Variants in RALGAPA2 observed in about 807,000 individuals in gnomAD.
RALGAPA2 encodes ral GTPase-activating protein subunit alpha-2.
Under a neutral mutation model 230.4 loss-of-function variants are expected in RALGAPA2, and 139 were observed. The observed-to-expected ratio is 0.60, with a 90% confidence interval of 0.53 to 0.69. The LOEUF is 0.69. Ranked by LOEUF, RALGAPA2 falls within the 30% of genes least tolerant of loss-of-function variation. The probability of loss-of-function intolerance (pLI) is 0.00; values close to 1 mark genes in which losing one functional copy is unlikely to be tolerated. For synonymous variants in RALGAPA2, 847 were observed against 837.8 expected, an observed-to-expected ratio of 1.01 and a Z score of -0.19; for missense variants, 2,163 against 2,276.0, an observed-to-expected ratio of 0.95 and a Z score of 1.01.
In RALGAPA2 at chr20:20,571,462, T is replaced by A; in HGVS notation, c.3152A>T (p.Asp1051Val). The A allele has an allele frequency of 5.6e-6, 9 of 1,611,118 alleles. No homozygotes were observed. The highest frequency in any genetic ancestry group is 7.6e-6 in the Non-Finnish European group (9 of 1,178,990). ...LVMHLGLTSEDQDILNTIIRH... is the reference protein window; with the variant it reads ...LVMHLGLTSEVQDILNTIIRH... ...AATAAAGGAGTCGCAGAATACCTGA[T>A]CCTCGCTGGTTAATCCCAGGTGCAT... is the stretch of plus-strand genomic sequence containing the variant. Residue 1051 changes from aspartate to valine, a missense_variant, in exon 23 of 40, where the codon GAT (aspartate) becomes GTT (valine). Asp to Val is a radical substitution (Grantham distance 152). Transcript: ENST00000202677.
intron 37 of RALGAPA2, among the ~76,000 whole-genome samples, chr20:20,418,094 T>C (rs2060202586): frequency 6.6e-6 from 1 of 152,184 alleles, no homozygotes; most frequent in African/African-American, 2.4e-5. Context: ...GTAGAACTAC[T>C]AGGCACAACG....
chr20:20,441,525 C>T (rs1352973321), intron 37 of RALGAPA2, among the ~76,000 whole-genome samples: 1 of 152,204 alleles, frequency 6.6e-6, no homozygotes, highest in African/African-American at 2.4e-5. Context: ...AGCAAGCTCC[C>T]TCCCTTCAGT....
intron 39 of RALGAPA2, among the ~76,000 whole-genome samples, chr20:20,393,842 G>A (rs1376241565): frequency 1.3e-5 from 2 of 152,126 alleles, no homozygotes; most frequent in Non-Finnish European, 2.9e-5. Flanking sequence ...TGCACCCCCC[G>A]CTTCCCCAGG....
intron 3 of RALGAPA2, among the ~76,000 whole-genome samples, chr20:20,673,226 A>T (rs1037002797): frequency 1.3e-5 from 2 of 149,488 alleles, no homozygotes; most frequent in Non-Finnish European, 3.0e-5. Flanking sequence ...AATAAAATTT[A>T]AAAAAATGAA....
intron 38 of RALGAPA2, among the ~76,000 whole-genome samples, chr20:20,409,934 T>C (rs1356024633): frequency 6.6e-6 from 1 of 152,228 alleles, no homozygotes; most frequent in Non-Finnish European, 1.5e-5. Flanking sequence ...ATGATAGACG[T>C]ATAAAAATGT....
At chr20:20,518,660 T>G (rs1170297441) in intron 31 of RALGAPA2, among the ~76,000 whole-genome samples, 2 of 152,220 alleles carry the variant, frequency 1.3e-5, no homozygotes, top group Non-Finnish European at 2.9e-5. Context: ...CAAAGAGTAT[T>G]GTACACTGAA....
chr20:20,432,122 C>T (rs192866940), intron 37 of RALGAPA2, among the ~76,000 whole-genome samples: 65 of 152,300 alleles, frequency 4.3e-4, no homozygotes, highest in African/African-American at 1.5e-3. Flanking sequence ...CACCGTTGTT[C>T]CAAGGCTGGT....
Position 20,616,077 on chromosome 20 carries a change from T to C in RALGAPA2, c.1654A>G (p.Met552Val), listed in dbSNP as rs746475391. The change falls in exon 13 of 40, where the codon ATG (methionine) becomes GTG (valine). Residue 552 changes from methionine to valine, a missense_variant. Coordinates refer to ENST00000202677, the MANE Select transcript of RALGAPA2 (RefSeq NM_020343.4). ...TTATTCATTGTAAGCTCCATTATCA[T>C]GCGCCTAAAAATAATCAAAACAGCT... ...CKAVLIIFRR[M>V]IMELTMNKKT... 4.5e-6 allele frequency: 7 copies of C among 1,549,286 alleles called. No individual in the cohort carries two copies. The highest frequency in any genetic ancestry group is 2.4e-5 in the South Asian group (2 of 82,002).
At chr20:20,461,026 A>T (rs2061289591) in intron 37 of RALGAPA2, among the ~76,000 whole-genome samples, 1 of 152,204 alleles carries the variant, frequency 6.6e-6, no homozygotes, top group African/African-American at 2.4e-5. Context: ...GGTTTATGTG[A>T]AGTGCTTTCC....
At chr20:20,481,608 C>G (rs546852349) in intron 36 of RALGAPA2, among the ~76,000 whole-genome samples, 1 of 152,318 alleles carries the variant, frequency 6.6e-6, no homozygotes, top group South Asian at 2.1e-4. Context: ...TAACTTAATA[C>G]AAAGGTCTAG....
intron 12 of RALGAPA2, among the ~76,000 whole-genome samples, chr20:20,616,596 G>A (rs1273771784): frequency 2.0e-5 from 3 of 152,114 alleles, no homozygotes; most frequent in Non-Finnish European, 4.4e-5. Flanking sequence ...GTAGAGGATA[G>A]ATGGCCAGAC....
chr20:20,682,306 G>A (rs746407308), intron 1 of RALGAPA2, among the ~76,000 whole-genome samples: 1 of 152,182 alleles, frequency 6.6e-6, no homozygotes, highest in African/African-American at 2.4e-5. Context: ...CAACCCACAT[G>A]AATATTAACC....
intron 9 of RALGAPA2, among the ~76,000 whole-genome samples, chr20:20,632,558 G>A (rs183156575): frequency 5.2e-4 from 79 of 152,284 alleles, no homozygotes; most frequent in Non-Finnish European, 8.8e-4. Context: ...AAACCAGAGA[G>A]GAAAGGTTAC....
At chr20:20,687,960 G>A (rs1441307542) in intron 1 of RALGAPA2, among the ~76,000 whole-genome samples, 1 of 152,272 alleles carries the variant, frequency 6.6e-6, no homozygotes, top group East Asian at 1.9e-4. Context: ...CCTGACACCA[G>A]CCAGTATGTT....
At chr20:20,557,212 A>G (rs1359158050) in intron 23 of RALGAPA2, among the ~76,000 whole-genome samples, 1 of 152,102 alleles carries the variant, frequency 6.6e-6, no homozygotes, top group African/African-American at 2.4e-5. Flanking sequence ...CAGTAGGCTG[A>G]GGCAGGGAAT....
At chr20:20,512,218 C>G (rs1461017587) in intron 32 of RALGAPA2, among the ~76,000 whole-genome samples, 1 of 148,468 alleles carries the variant, frequency 6.7e-6, no homozygotes, top group African/African-American at 2.5e-5. Context: ...CAACAACAAC[C>G]CCCCCTACAC....
At chr20:20,407,582 T>C (rs956558775) in intron 38 of RALGAPA2, among the ~76,000 whole-genome samples, 8 of 152,206 alleles carry the variant, frequency 5.3e-5, no homozygotes, top group Non-Finnish European at 1.2e-4. Context: ...AGTGTCTACA[T>C]CTCAGATTTG....
intron 16 of RALGAPA2, among the ~76,000 whole-genome samples, chr20:20,596,052 A>G (rs961819751): frequency 6.6e-6 from 1 of 152,114 alleles, no homozygotes; most frequent in Non-Finnish European, 1.5e-5. Context: ...AGAAAATCAC[A>G]AAAAGTGCCA....
intron 37 of RALGAPA2, among the ~76,000 whole-genome samples, chr20:20,451,688 G>A (rs2060992449): frequency 1.3e-5 from 2 of 152,156 alleles, no homozygotes; most frequent in Non-Finnish European, 2.9e-5. Flanking sequence ...AGTACTTAAG[G>A]TCTCAGATTG....
Sources: gnomAD v4.1 joint callset for allele counts (sites outside exome capture counted in the v4.1 genomes callset) on GRCh38, gnomAD v4.1.1 for gene constraint, MANE v1.5 for transcripts, NCBI Gene and HGNC (gene_info 2026-07-23, HGNC 2026-07-21) for gene names.